Variants in EGF observed in about 807,000 individuals in gnomAD.
The protein encoded by EGF is pro-epidermal growth factor.
In EGF, 95 loss-of-function variants were observed where a neutral mutation model predicts 143.8. The ratio of observed to expected loss-of-function variants is 0.66; its 90% CI spans 0.56 to 0.78. The LOEUF (loss-of-function observed/expected upper bound fraction) is 0.78, where lower values mean the gene tolerates loss of function less well. Among genes scored for constraint, EGF ranks in the 30% least tolerant of loss-of-function variants. The pLI, the probability that EGF is intolerant of heterozygous loss-of-function variation, is 0.00. For synonymous variants in EGF, 510 were observed against 510.5 expected, an observed-to-expected ratio of 1.00 and a Z score of 0.01; for missense variants, 1,320 against 1,470.9, an observed-to-expected ratio of 0.90 and a Z score of 1.68.
intron 7 of EGF, 105 bp downstream of exon 7, chr4:109,961,094 T>C (rs1745617193): frequency 7.7e-7 from 1 of 1,297,254 alleles, no homozygotes; most frequent in Admixed American, 1.8e-5. Context: ...GCAGTGTGCA[T>C]CATAATTACC....
rs1048924848 is a variant in EGF, at chr4:109,913,223, C to T, written c.-113C>T. The T allele has an allele frequency of 4.4e-6, 6 of 1,356,962 alleles. No homozygotes were observed. The African/African-American group carries it at 8.6e-5, about 19-fold the overall frequency. The allele number at this position is 1,356,962 out of a possible 1,614,324, so 84.1% of individuals were successfully genotyped here. On this transcript the variant is annotated 5_prime_UTR_variant, in exon 1 of 24. Transcript: ENST00000265171. ...CAGGAGAGTAAAAGATGCCCCAGGG[C>T]TGAGGCCTCCGCTCAGGCAGCCGCA...
chr4:109,981,047 C>T lies in EGF; in HGVS notation c.2371+72C>T, dbSNP rs1749289117. 9.4e-6 allele frequency: 15 copies of T among 1,588,970 alleles called. No homozygotes were observed. The South Asian group carries it at 1.5e-4, about 16-fold the overall frequency. On this transcript the variant is annotated intron_variant, in intron 15 of 23. Coordinates refer to ENST00000265171, the MANE Select transcript of EGF (RefSeq NM_001963.6). The stretch of plus-strand genomic sequence containing the variant: ...ATACAGCTGTACATCAATCTTTATG[C>T]TTTTGCTGATTTTGAATATTTTGGA...
intron 10 of EGF, among the ~76,000 whole-genome samples, chr4:109,966,172 C>A (rs1746540535): frequency 1.3e-5 from 2 of 151,872 alleles, no homozygotes; most frequent in African/African-American, 2.4e-5. Context: ...ACATTGTTCC[C>A]ATAGGTAGTA....
At position 109,983,677 on chromosome 4, in the gene EGF, A is replaced by C. The variant is rs762604779; in HGVS notation, c.2491+136A>C. ...GCTAATGAAACCAAACCTTGGACTC[A>C]AGTCTGTCTCTTCTGAATGATGTGC... On this transcript the variant is annotated intron_variant, in intron 16 of 23. Coordinates refer to ENST00000265171, the MANE Select transcript of EGF (RefSeq NM_001963.6). 5.6e-5 allele frequency: 67 copies of C among 1,199,020 alleles called. No individual in the cohort carries two copies. The Admixed American group carries it at 9.0e-4, about 16-fold the overall frequency. 74.3% of individuals were successfully genotyped at this position (1,199,020 alleles called of 1,614,324 possible).
At chr4:109,930,275 G>GT in intron 1 of EGF, among the ~76,000 whole-genome samples, 1 of 152,304 alleles carries the variant, frequency 6.6e-6, no homozygotes, top group Admixed American at 6.5e-5. Flanking sequence ...AGATGAGATA[G>GT]TTTTTTGGAG....
intron 18 of EGF, among the ~76,000 whole-genome samples, chr4:109,989,499 C>G (rs1466082171): frequency 6.6e-6 from 1 of 152,230 alleles, no homozygotes; most frequent in South Asian, 2.1e-4. Flanking sequence ...ATACTGCTTT[C>G]TCCCACTTGC....
At chr4:109,964,961 C>G (rs1024912525) in intron 10 of EGF, among the ~76,000 whole-genome samples, 2 of 152,036 alleles carry the variant, frequency 1.3e-5, no homozygotes, top group Non-Finnish European at 2.9e-5. Flanking sequence ...TTACATATGT[C>G]TTTTGAGGGA....
At chr4:109,966,637 G>A (rs1266796227) in intron 10 of EGF, among the ~76,000 whole-genome samples, 4 of 151,936 alleles carry the variant, frequency 2.6e-5, no homozygotes, top group Non-Finnish European at 4.4e-5. Flanking sequence ...CTAGAGGATT[G>A]CAAATTTACA....
At chr4:110,002,134 AC>A in intron 21 of EGF, 1 of 732,290 alleles carries the variant, frequency 1.4e-6, no homozygotes, top group Non-Finnish European at 1.7e-6. Context: ...CCTCCCTTAT[AC>A]CATTCCTTGC....
intron 11 of EGF, among the ~76,000 whole-genome samples, chr4:109,974,150 G>A (rs1337761914): frequency 6.6e-6 from 1 of 152,160 alleles, no homozygotes; most frequent in Non-Finnish European, 1.5e-5. Flanking sequence ...TCCAAATACT[G>A]TGCCATTTTA....
Position 109,971,560 on chromosome 4 carries a change from G to A in EGF, c.1724+2441G>A, listed in dbSNP as rs551996771. 2.2e-4 allele frequency among the ~76,000 whole-genome samples: 34 copies of A among 152,258 alleles called. 1 individual carries two copies. Among genetic ancestry groups the A allele is most frequent in the Admixed American group, 1.8e-3 (27 of 15,294 alleles). ...ATGGTACCGACTGCAGAGGCAAGGC[G>A]TTCAGGAGATAGACAGGCACCACTG... On this transcript the variant is annotated intron_variant, in intron 11 of 23. Transcript: ENST00000265171.
intron 21 of EGF, among the ~76,000 whole-genome samples, chr4:110,003,996 CCAATGG>C (rs1032365905): frequency 4.6e-5 from 7 of 152,118 alleles, no homozygotes; most frequent in African/African-American, 1.4e-4. Flanking sequence ...TTTCCAAGCC[CCAATGG>C]CTTCACTTGT....
Position 109,963,107 on chromosome 4 carries a change from T to A in EGF, c.1313-66T>A. Reference sequence around the variant, plus strand: ...TTAACAAATGGTTGACTCGCCCCCATCCTTTGATGAAAAATAATTATATTT... The same window carrying A: ...TTAACAAATGGTTGACTCGCCCCCAACCTTTGATGAAAAATAATTATATTT... On this transcript the variant is annotated intron_variant, in intron 8 of 23. Transcript: ENST00000265171. 9 of 1,514,176 alleles carry A rather than the reference T, an allele frequency of 5.9e-6. 1 individual carries two copies. Among genetic ancestry groups the A allele is most frequent in the South Asian group, 5.6e-5 (5 of 88,614 alleles). The allele number at this position is 1,514,176 out of a possible 1,614,324, so 93.8% of individuals were successfully genotyped here.
At chr4:109,985,422 T>C (rs970565688) in intron 16 of EGF, among the ~76,000 whole-genome samples, 1 of 152,242 alleles carries the variant, frequency 6.6e-6, no homozygotes, top group African/African-American at 2.4e-5. Context: ...AACGTGGCCT[T>C]TTGGGCCCTG....
At chr4:109,950,374 C>T (rs1743672877) in intron 5 of EGF, among the ~76,000 whole-genome samples, 1 of 152,108 alleles carries the variant, frequency 6.6e-6, no homozygotes, top group Non-Finnish European at 1.5e-5. Context: ...TCTCTGCATC[C>T]CAACAATTCT....
Position 109,999,828 on chromosome 4 carries a change from G to A in EGF, c.3155G>A (p.Trp1052Ter), listed in dbSNP as rs752127628. 1.9e-6 allele frequency: 3 copies of A among 1,613,446 alleles called. No homozygotes were observed. Among genetic ancestry groups the A allele is most frequent in the Admixed American group, 1.7e-5 (1 of 60,026 alleles). The change falls in exon 21 of 24, where the codon TGG (tryptophan) becomes TAG (stop). Residue 1052 changes from tryptophan to a stop codon, truncating the protein, a stop_gained. Coordinates refer to ENST00000265171, the MANE Select transcript of EGF (RefSeq NM_001963.6). LOFTEE classifies it high-confidence loss of function. ...VLVMLLLLSLWGAHYYRTQKL... is the reference protein window; with the variant it reads ...VLVMLLLLSL The stretch of plus-strand genomic sequence containing the variant: ...GTCATGCTGCTCCTCCTGAGCCTGT[G>A]GGGGGCCCACTACTACAGGTGACCC...
At position 110,011,527 on chromosome 4, in the gene EGF, G is replaced by T. The variant is rs746181347; in HGVS notation, c.*72G>T. 4 of 1,610,872 alleles carry T rather than the reference G, an allele frequency of 2.5e-6. No individual in the cohort carries two copies. The highest frequency in any genetic ancestry group is 3.4e-6 in the Non-Finnish European group (4 of 1,178,992). On this transcript the variant is annotated 3_prime_UTR_variant, in exon 24 of 24. Transcript: ENST00000265171. ...CACAGTATCTTTTCTTTCAAAAGTA[G>T]AGCAAAACTATAGGTTTTGGTTCCA...
At chr4:110,004,314 A>G (rs947951406) in intron 21 of EGF, 191 bp from the exon 22 acceptor site, 13 of 679,926 alleles carry the variant, frequency 1.9e-5, no homozygotes, top group Admixed American at 3.9e-5. Context: ...TCTGGAAAGC[A>G]TTTTGAGTTC....
intron 20 of EGF, among the ~76,000 whole-genome samples, chr4:109,995,613 T>C (rs983610380): frequency 2.3e-4 from 35 of 152,206 alleles, no homozygotes; most frequent in Admixed American, 2.1e-3. Context: ...CCTCAAATTT[T>C]ACTTTTAATT....
Sources: allele counts gnomAD v4.1 joint callset (sites outside exome capture counted in the v4.1 genomes callset), GRCh38; gene constraint gnomAD v4.1.1; transcripts MANE v1.5; gene names NCBI Gene and HGNC (gene_info 2026-07-23, HGNC 2026-07-21).